GALNTL5: variants seen among roughly 807,000 people sequenced by gnomAD.
GALNTL5 encodes the protein polypeptide N-acetylgalactosaminyltransferase like 5.
GALNTL5 carries 44 observed loss-of-function variants against 51.0 expected under a neutral mutation model. The ratio of observed to expected loss-of-function variants is 0.86; its 90% CI spans 0.68 to 1.11. The LOEUF (loss-of-function observed/expected upper bound fraction) is 1.11. GALNTL5 is among the 50% of genes least tolerant of loss of function. The probability of loss-of-function intolerance (pLI) is 0.00; values close to 1 mark genes in which losing one functional copy is unlikely to be tolerated. For synonymous variants in GALNTL5, 192 were observed against 182.8 expected, an observed-to-expected ratio of 1.05 and a Z score of -0.41; for missense variants, 528 against 531.8, an observed-to-expected ratio of 0.99 and a Z score of 0.07.
chr7:152,019,240 A>T (rs1220019146), intron 8 of GALNTL5, among the ~76,000 whole-genome samples: 1 of 152,246 alleles, frequency 6.6e-6, no homozygotes, highest in Non-Finnish European at 1.5e-5. Flanking sequence ...GTACTCCTGC[A>T]GGATCTATTC....
intron 5 of GALNTL5, among the ~76,000 whole-genome samples, chr7:151,991,914 G>A (rs1222539599): frequency 1.3e-5 from 2 of 152,094 alleles, no homozygotes; most frequent in African/African-American, 4.8e-5. Context: ...CCCCACCCAT[G>A]GACATTTATT....
At chr7:151,982,148 C>T (rs2081299663) in intron 3 of GALNTL5, among the ~76,000 whole-genome samples, 1 of 152,170 alleles carries the variant, frequency 6.6e-6, no homozygotes, top group African/African-American at 2.4e-5. Flanking sequence ...GACATTGGCT[C>T]ATGCCTGTAA....
chr7:152,014,606 T>C (rs2081781566), intron 7 of GALNTL5, 38 bp from the exon 8 acceptor site: 1 of 1,569,670 alleles, frequency 6.4e-7, no homozygotes, highest in African/African-American at 1.4e-5. Flanking sequence ...TTAGCAGTAA[T>C]AATGCATTCG....
Position 151,987,187 on chromosome 7 carries a change from C to T in GALNTL5, c.564C>T (p.His188=). ...ATTTGAAAGAAAAACTAGACTATCA[C>T]CTGGAAACTTTTCGGGGAAAGGTTA... ...VDDLKEKLDY[H]LETFRGKVKI... Residue 188 remains histidine, a synonymous_variant, in exon 5 of 9, where the codon CAC becomes CAT. Coordinates refer to ENST00000392800, the MANE Select transcript of GALNTL5 (RefSeq NM_145292.4). 1 of 1,594,680 alleles carries T rather than the reference C, an allele frequency of 6.3e-7. No homozygotes were observed. Among genetic ancestry groups the T allele is most frequent in the Non-Finnish European group, 8.5e-7 (1 of 1,173,272 alleles).
Position 151,957,385 on chromosome 7 carries a change from A to T in GALNTL5, c.-40+776A>T, listed in dbSNP as rs1160427227. ...ATAGCAAGACCTCATCTCTATTTAA[A>T]AAAAAAAAAAAAAAACAGGCGTGGT... On this transcript the variant is annotated intron_variant, in intron 1 of 8. Transcript: ENST00000392800. Among the ~76,000 whole-genome samples, 9 of 49,970 alleles carry T rather than the reference A, an allele frequency of 1.8e-4. No homozygotes were observed. In the East Asian group the frequency reaches 2.1e-3, roughly 11 times the overall value. The allele number at this position is 49,970 out of a possible 152,430, so 32.8% of individuals were successfully genotyped here.
At chr7:151,969,193 C>A (rs1690439977) in intron 2 of GALNTL5, among the ~76,000 whole-genome samples, 1 of 152,068 alleles carries the variant, frequency 6.6e-6, no homozygotes, top group African/African-American at 2.4e-5. Flanking sequence ...TCAATTCATC[C>A]CATTTTCTTG....
chr7:152,006,119 T>A (rs564761965), intron 6 of GALNTL5, among the ~76,000 whole-genome samples: 1 of 151,746 alleles, frequency 6.6e-6, no homozygotes, highest in East Asian at 1.9e-4. Flanking sequence ...GACCAGGAAA[T>A]CTGGTTCCCT....
chr7:151,969,905 C>T (rs1467262068), intron 2 of GALNTL5, among the ~76,000 whole-genome samples: 1 of 152,166 alleles, frequency 6.6e-6, no homozygotes, highest in East Asian at 1.9e-4. Flanking sequence ...CTCCGGGGTT[C>T]ACGCCATTCT....
Position 151,997,618 on chromosome 7 carries a change from T to A in GALNTL5, c.659-5096T>A, listed in dbSNP as rs150499971. Among the ~76,000 whole-genome samples, 1,422 of 152,346 alleles carry A rather than the reference T, an allele frequency of 9.3e-3. 16 individuals carry two copies. The highest frequency in any genetic ancestry group is 0.037 in the Middle Eastern group (11 of 294). Reference sequence around the variant, plus strand: ...CATATTAATTTTGCATAAAGTATAATTTTAAATTATTTTGCAATTTTTAAT... The same window carrying A: ...CATATTAATTTTGCATAAAGTATAAATTTAAATTATTTTGCAATTTTTAAT... On this transcript the variant is annotated intron_variant, in intron 5 of 8. Transcript: ENST00000392800.
intron 3 of GALNTL5, among the ~76,000 whole-genome samples, chr7:151,979,579 C>G (rs1191902397): frequency 6.6e-6 from 1 of 151,880 alleles, no homozygotes; most frequent in Non-Finnish European, 1.5e-5. Context: ...CCTGCCTCAG[C>G]CTCCCAAGTG....
At chr7:152,005,482 T>C (rs886934607) in intron 6 of GALNTL5, among the ~76,000 whole-genome samples, 3 of 152,128 alleles carry the variant, frequency 2.0e-5, no homozygotes, top group Admixed American at 1.3e-4. Context: ...AGAAATACCA[T>C]GAGTGGAGCA....
chr7:152,019,805 GA>G lies in GALNTL5; in HGVS notation c.*8del, dbSNP rs1313340250. On this transcript the variant is annotated 3_prime_UTR_variant, in exon 9 of 9. Transcript: ENST00000392800. ...GGCATCTGTGAACAGCCTGTGAAAG[GA>G]AAACAAATCACTTTCATTAATAAAG... 6.2e-7 allele frequency: 1 copy of G among 1,601,822 alleles called. No homozygotes were observed. Among genetic ancestry groups the G allele is most frequent in the South Asian group, 1.1e-5 (1 of 89,338 alleles).
At chr7:152,012,239 G>T (rs1586854997) in intron 7 of GALNTL5, among the ~76,000 whole-genome samples, 1 of 152,210 alleles carries the variant, frequency 6.6e-6, no homozygotes, top group East Asian at 1.9e-4. Flanking sequence ...GAGGGACAAG[G>T]ACTGAGCTGT....
rs1289033139 is a variant in GALNTL5 at position 151,982,971 on chromosome 7, T to C, written c.369-15T>C. The C allele has an allele frequency of 6.2e-7, 1 of 1,613,978 alleles. No individual in the cohort carries two copies. The highest frequency in any genetic ancestry group is 1.7e-5 in the Admixed American group (1 of 60,006). On this transcript the variant is annotated splice_polypyrimidine_tract_variant and intron_variant, in intron 3 of 8. Coordinates refer to ENST00000392800, the MANE Select transcript of GALNTL5 (RefSeq NM_145292.4). ...TTTAGATGGATGGTTTTCTTCATAT[T>C]GCTTCTGCCTGCAGGTGTCTTCAAA...
intron 4 of GALNTL5, among the ~76,000 whole-genome samples, chr7:151,984,618 A>G (rs2081337723): frequency 1.3e-5 from 2 of 152,312 alleles, no homozygotes; most frequent in East Asian, 3.9e-4. Context: ...CTGAGGGCAC[A>G]GGACTGTCTA....
chr7:151,967,575 T>C, intron 2 of GALNTL5, 82 bp downstream of exon 2: 1 of 1,212,754 alleles, frequency 8.2e-7, no homozygotes, highest in Non-Finnish European at 1.2e-6. Context: ...AGTACGAGAC[T>C]ATCCTTTTTA....
intron 7 of GALNTL5, among the ~76,000 whole-genome samples, chr7:152,009,280 G>C (rs2081697532): frequency 6.6e-6 from 1 of 152,072 alleles, no homozygotes; most frequent in Non-Finnish European, 1.5e-5. Flanking sequence ...CGATATCCTG[G>C]AAGGCCCTCA....
chr7:151,979,106 C>CTTTT lies in GALNTL5; in HGVS notation c.369-3863_369-3860dup, dbSNP rs397888897. ...AAAGGCCATCCAAATTACTTTTACT[C>CTTTT]TTTTTTTTTTTTTTTTTTTTGGAGA... is the stretch of plus-strand genomic sequence containing the variant. On this transcript the variant is annotated intron_variant, in intron 3 of 8. Transcript: ENST00000392800. Among the ~76,000 whole-genome samples, 379 of 71,124 alleles carry CTTTT rather than the reference C, an allele frequency of 5.3e-3. 12 individuals carry two copies. The highest frequency in any genetic ancestry group is 0.016 in the African/African-American group (358 of 22,870). The allele number at this position is 71,124 out of a possible 152,430, so 46.7% of individuals were successfully genotyped here. A position where few individuals can be genotyped will look rare whatever the true frequency, so the allele number is the denominator to read the frequency against.
At chr7:151,993,035 C>T (rs966361774) in intron 5 of GALNTL5, among the ~76,000 whole-genome samples, 22 of 151,966 alleles carry the variant, frequency 1.4e-4, no homozygotes, top group African/African-American at 5.1e-4. Flanking sequence ...GTCGGGAGTT[C>T]GAGACTGGTC....
Sources: gnomAD v4.1 joint callset for allele counts (sites outside exome capture counted in the v4.1 genomes callset) on GRCh38, gnomAD v4.1.1 for gene constraint, MANE v1.5 for transcripts, NCBI Gene and HGNC (gene_info 2026-07-23, HGNC 2026-07-21) for gene names.